UBAC2: variants seen among roughly 807,000 people sequenced by gnomAD.
UBAC2 encodes ubiquitin-associated domain-containing protein 2.
Under a neutral mutation model 44.0 loss-of-function variants are expected in UBAC2, and 26 were observed. The observed-to-expected ratio is 0.59, with a 90% CI of 0.43 to 0.82. UBAC2 has a LOEUF of 0.82. Ranked by LOEUF, UBAC2 falls within the 40% of genes least tolerant of loss-of-function variation. The pLI, the probability that UBAC2 is intolerant of heterozygous loss-of-function variation, is 0.00. For synonymous variants in UBAC2, 155 were observed against 154.3 expected, an observed-to-expected ratio of 1.00 and a Z score of -0.04; for missense variants, 329 against 419.4, an observed-to-expected ratio of 0.78 and a Z score of 1.88.
chr13:99,285,607 G>C (rs1300435342), intron 4 of UBAC2, among the ~76,000 whole-genome samples: 4 of 152,008 alleles, frequency 2.6e-5, no homozygotes, highest in Non-Finnish European at 5.9e-5. Flanking sequence ...GCCCAGGCTG[G>C]TCTCAAACTC....
At chr13:99,273,210 T>C (rs9300536) in intron 4 of UBAC2, among the ~76,000 whole-genome samples, 122,200 of 152,042 alleles carry the variant, frequency 0.8, 49,865 homozygotes, top group Middle Eastern at 0.91. Flanking sequence ...TAGTTGGTAA[T>C]ATTATTCAGT....
At chr13:99,311,865 AC>A (rs2138759773) in intron 4 of UBAC2, among the ~76,000 whole-genome samples, 1 of 152,314 alleles carries the variant, frequency 6.6e-6, no homozygotes, top group South Asian at 2.1e-4. Context: ...AAGGACTGAT[AC>A]GTGAGGAATT....
intron 4 of UBAC2, among the ~76,000 whole-genome samples, chr13:99,298,567 C>T (rs1035830230): frequency 4.6e-5 from 7 of 151,962 alleles, no homozygotes; most frequent in African/African-American, 1.4e-4. Context: ...GTTAAATATA[C>T]AGTTCAAGAA....
At chr13:99,305,139 A>G (rs1254667885) in intron 4 of UBAC2, among the ~76,000 whole-genome samples, 1 of 152,230 alleles carries the variant, frequency 6.6e-6, no homozygotes, top group Non-Finnish European at 1.5e-5. Flanking sequence ...AAGATGGTGA[A>G]TATCTAGAAT....
Position 99,358,736 on chromosome 13 carries a change from G to A in UBAC2, c.808-9051G>A, listed in dbSNP as rs141086199. 7.2e-4 allele frequency among the ~76,000 whole-genome samples: 110 copies of A among 152,250 alleles called. 1 individual carries two copies. Among genetic ancestry groups the A allele is most frequent in the African/African-American group, 2.3e-3 (95 of 41,548 alleles). On this transcript the variant is annotated intron_variant, in intron 7 of 8. Transcript: ENST00000403766. Reference sequence around the variant, plus strand: ...TGAGAGTGAGGGTGGAGACAGTGGCGGGGGAGTTCCAGTGGACAGAGCCTA... The same window carrying A: ...TGAGAGTGAGGGTGGAGACAGTGGCAGGGGAGTTCCAGTGGACAGAGCCTA...
intron 7 of UBAC2, among the ~76,000 whole-genome samples, chr13:99,357,512 C>T (rs888610857): frequency 1.3e-5 from 2 of 152,178 alleles, no homozygotes; most frequent in South Asian, 2.1e-4. Context: ...CAGCGCACTA[C>T]GCATAGAAGG....
At chr13:99,255,666 C>T in intron 4 of UBAC2, 1 of 1,613,918 alleles carries the variant, frequency 6.2e-7, no homozygotes, top group Non-Finnish European at 8.5e-7. Context: ...TTATAAATAT[C>T]AAGTCCACTA....
intron 1 of UBAC2, among the ~76,000 whole-genome samples, chr13:99,232,421 T>TATATATATATATATATATATA (rs61314371): frequency 6.7e-4 from 94 of 139,672 alleles, no homozygotes; most frequent in Non-Finnish European, 8.8e-4. Context: ...TATATATATA[T>TATATATATATATATATATATA]TCACACACAC....
intron 7 of UBAC2, among the ~76,000 whole-genome samples, chr13:99,362,699 A>AT (rs1403042374): frequency 2.6e-5 from 4 of 151,856 alleles, no homozygotes. Context: ...TGAGTCACTT[A>AT]TTTTTTTCTC....
At chr13:99,279,352 C>T (rs2043924111) in intron 4 of UBAC2, among the ~76,000 whole-genome samples, 1 of 152,184 alleles carries the variant, frequency 6.6e-6, no homozygotes, top group Admixed American at 6.5e-5. Flanking sequence ...AATAAACTGC[C>T]ACCATTCAAG....
chr13:99,247,874 T>TC (rs971436254), intron 4 of UBAC2, among the ~76,000 whole-genome samples: 3 of 30,392 alleles, frequency 9.9e-5, no homozygotes, highest in Non-Finnish European at 3.6e-4. Flanking sequence ...TCTCTCTCTC[T>TC]TTTTTTTTTT....
intron 4 of UBAC2, among the ~76,000 whole-genome samples, chr13:99,296,912 C>T (rs1273315071): frequency 6.6e-6 from 1 of 151,100 alleles, no homozygotes; most frequent in Non-Finnish European, 1.5e-5. Context: ...TGGATCCATG[C>T]AATCTATACT....
At chr13:99,351,321 C>G in intron 7 of UBAC2, 1 of 338,512 alleles carries the variant, frequency 3.0e-6, no homozygotes. Flanking sequence ...GAGCAACAGT[C>G]AGCAGGTGAT....
At chr13:99,263,334 T>C (rs2043695124) in intron 4 of UBAC2, among the ~76,000 whole-genome samples, 1 of 152,210 alleles carries the variant, frequency 6.6e-6, no homozygotes, top group Admixed American at 6.5e-5. Context: ...TCTCTGCCAT[T>C]CCATGGCCAA....
intron 7 of UBAC2, among the ~76,000 whole-genome samples, chr13:99,353,198 A>G (rs577834843): frequency 6.6e-6 from 1 of 152,368 alleles, no homozygotes; most frequent in African/African-American, 2.4e-5. Flanking sequence ...ATAAGTTACT[A>G]GTGCTTAGTT....
intron 4 of UBAC2, among the ~76,000 whole-genome samples, chr13:99,275,100 T>C (rs960409117): frequency 1.3e-5 from 2 of 152,224 alleles, no homozygotes; most frequent in Admixed American, 1.3e-4. Context: ...AGCAGAATCA[T>C]AGTGTATACA....
At chr13:99,292,156 G>A (rs1566487813) in intron 4 of UBAC2, among the ~76,000 whole-genome samples, 1 of 148,618 alleles carries the variant, frequency 6.7e-6, no homozygotes, top group Non-Finnish European at 1.5e-5. Flanking sequence ...TTTTTTTTGA[G>A]ACAGTCTCTC....
chr13:99,255,407 G>C (rs2043531145), intron 4 of UBAC2: 1 of 1,614,184 alleles, frequency 6.2e-7, no homozygotes, highest in African/African-American at 1.3e-5. Context: ...AGCAGTAGCA[G>C]AGGGGTGGTC....
chr13:99,239,599 C>A (rs971954399), intron 2 of UBAC2, among the ~76,000 whole-genome samples: 3 of 152,196 alleles, frequency 2.0e-5, no homozygotes, highest in African/African-American at 7.2e-5. Flanking sequence ...TGGGTTGATA[C>A]CTTCCTAATT....
Sources: gnomAD v4.1 joint callset for allele counts (sites outside exome capture counted in the v4.1 genomes callset) on GRCh38, gnomAD v4.1.1 for gene constraint, MANE v1.5 for transcripts, NCBI Gene and HGNC (gene_info 2026-07-23, HGNC 2026-07-21) for gene names.